NEK6: variants seen among roughly 807,000 people sequenced by gnomAD.
The protein encoded by NEK6 is serine/threonine-protein kinase Nek6.
In NEK6, 27 loss-of-function variants were observed where a neutral mutation model predicts 43.5. The observed-to-expected ratio is 0.62, with a 90% CI of 0.46 to 0.86. The LOEUF (loss-of-function observed/expected upper bound fraction) is 0.86, where lower values mean the gene tolerates loss of function less well. Ranked by LOEUF, NEK6 falls within the 40% of genes least tolerant of loss-of-function variation. NEK6 has a pLI of 0.00. For missense variants in NEK6, 318 were observed against 414.4 expected, an observed-to-expected ratio of 0.77 and a Z score of 2.02; for synonymous variants, 167 against 164.1, an observed-to-expected ratio of 1.02 and a Z score of -0.14.
chr9:124,290,027 C>T (rs138613471), intron 1 of NEK6, among the ~76,000 whole-genome samples: 6 of 152,318 alleles, frequency 3.9e-5, no homozygotes, highest in Non-Finnish European at 5.9e-5. Context: ...GTAAGGAGAG[C>T]GACACAGGAA....
At chr9:124,306,540 A>C (rs1833263630) in intron 2 of NEK6, among the ~76,000 whole-genome samples, 1 of 152,026 alleles carries the variant, frequency 6.6e-6, no homozygotes, top group African/African-American at 2.4e-5. Context: ...ACTCCTGCTG[A>C]CTCAGAGGAG....
intron 1 of NEK6, among the ~76,000 whole-genome samples, chr9:124,298,644 G>A (rs1832814133): frequency 6.6e-6 from 1 of 152,142 alleles, no homozygotes; most frequent in Non-Finnish European, 1.5e-5. Context: ...TGGTGTTGCT[G>A]TGTAAGAACC....
intron 1 of NEK6, among the ~76,000 whole-genome samples, chr9:124,293,617 G>T (rs954636891): frequency 2.0e-5 from 3 of 152,226 alleles, no homozygotes; most frequent in African/African-American, 4.8e-5. Flanking sequence ...AATCTCCAGT[G>T]ACTTTTGTCT....
chr9:124,316,289 G>A (rs1444056822), intron 4 of NEK6, among the ~76,000 whole-genome samples: 1 of 152,240 alleles, frequency 6.6e-6, no homozygotes, highest in East Asian at 1.9e-4. Context: ...CTGTTGGAAC[G>A]CAGGCGTGTG....
At chr9:124,346,859 C>T (rs982564102) in intron 8 of NEK6, among the ~76,000 whole-genome samples, 1 of 152,240 alleles carries the variant, frequency 6.6e-6, no homozygotes, top group Non-Finnish European at 1.5e-5. Flanking sequence ...GCCTTCAGGG[C>T]AGAACCGGTG....
intron 1 of NEK6, among the ~76,000 whole-genome samples, chr9:124,260,425 A>C (rs897319456): frequency 6.6e-6 from 1 of 151,956 alleles, no homozygotes; most frequent in Non-Finnish European, 1.5e-5. Context: ...ACAGAGTCTC[A>C]CTCTGTTGCC....
At chr9:124,331,514 G>A (rs1352601826) in intron 7 of NEK6, among the ~76,000 whole-genome samples, 1 of 152,124 alleles carries the variant, frequency 6.6e-6, no homozygotes, top group Admixed American at 6.5e-5. Context: ...GGAAGGGGTC[G>A]AGAGAGGATC....
intron 1 of NEK6, among the ~76,000 whole-genome samples, chr9:124,262,523 C>T (rs2118855366): frequency 6.6e-6 from 1 of 152,368 alleles, no homozygotes; most frequent in Middle Eastern, 3.4e-3. Flanking sequence ...CCACAGATGA[C>T]TTCTCGGGTG....
At chr9:124,260,540 G>C (rs1029735451) in intron 1 of NEK6, among the ~76,000 whole-genome samples, 10 of 152,142 alleles carry the variant, frequency 6.6e-5, no homozygotes, top group African/African-American at 2.4e-4. Context: ...GGGATTATAG[G>C]CAGGTGCCAC....
Position 124,343,209 on chromosome 9 carries a change from G to C in NEK6, c.717+3544G>C, listed in dbSNP as rs536477657. On this transcript the variant is annotated intron_variant, in intron 8 of 9. Coordinates refer to ENST00000320246, the MANE Select transcript of NEK6 (RefSeq NM_014397.6). This position sits in a 1 kb window ranked among gnomAD's most constrained non-coding sequence, Gnocchi z 5.1. ...GTGGGGCTGTGCGGCTCGCAGCTGG[G>C]GGGGCTGGACCACAGCCGGGGGGCG... Among the ~76,000 whole-genome samples the C allele has an allele frequency of 3.2e-4, 49 of 151,796 alleles. 1 individual carries two copies. The highest frequency in any genetic ancestry group is 1.7e-3 in the Admixed American group (26 of 15,266).
chr9:124,276,930 C>G (rs918380933), intron 1 of NEK6, among the ~76,000 whole-genome samples: 18 of 152,072 alleles, frequency 1.2e-4, no homozygotes, highest in African/African-American at 4.3e-4. Flanking sequence ...GTCAAGGGGT[C>G]TTAGGTGCTA....
At chr9:124,272,736 C>T (rs774261945) in intron 1 of NEK6, among the ~76,000 whole-genome samples, 27 of 152,194 alleles carry the variant, frequency 1.8e-4, no homozygotes, top group Non-Finnish European at 2.8e-4. Flanking sequence ...CACATGTGAT[C>T]GCATCGACCT....
chr9:124,264,501 A>G (rs921141041), intron 1 of NEK6, among the ~76,000 whole-genome samples: 5 of 152,210 alleles, frequency 3.3e-5, no homozygotes, highest in Non-Finnish European at 7.3e-5. Context: ...CCATGTGACA[A>G]AAAAGGTAGT....
intron 7 of NEK6, among the ~76,000 whole-genome samples, chr9:124,336,716 A>C (rs1423393980): frequency 6.6e-6 from 1 of 152,108 alleles, no homozygotes; most frequent in Non-Finnish European, 1.5e-5. Context: ...CAACCTTAAA[A>C]ATCCAGGCCA....
At chr9:124,339,348 G>A (rs1034793634) in intron 7 of NEK6, among the ~76,000 whole-genome samples, 14 of 151,876 alleles carry the variant, frequency 9.2e-5, no homozygotes, top group African/African-American at 3.1e-4. Flanking sequence ...TCAAGTCCCT[G>A]GCACCCCAGG....
rs542083288 is a variant in NEK6, at chr9:124,337,304, G to A, written c.623-2267G>A. On this transcript the variant is annotated intron_variant, in intron 7 of 9. Transcript: ENST00000320246. ...CCTCAGTGTTGGCGTTTCCTGCGGG[G>A]AGAAGAGGGACCCTGAGGACAGGCC... Among the ~76,000 whole-genome samples the A allele has an allele frequency of 1.1e-3, 170 of 152,340 alleles. 1 individual carries two copies. The highest frequency in any genetic ancestry group is 2.4e-3 in the Admixed American group (36 of 15,308).
At chr9:124,291,757 C>T (rs893547022) in intron 1 of NEK6, 12 of 937,330 alleles carry the variant, frequency 1.3e-5, no homozygotes, top group Non-Finnish European at 1.5e-5. Flanking sequence ...CCTGAGCCTA[C>T]ACTGGTCTAA....
intron 1 of NEK6, among the ~76,000 whole-genome samples, chr9:124,290,000 G>A (rs1319427146): frequency 6.6e-6 from 1 of 152,228 alleles, no homozygotes; most frequent in African/African-American, 2.4e-5. Context: ...CAACTCCAGG[G>A]TTCAGTGAGG....
intron 1 of NEK6, among the ~76,000 whole-genome samples, chr9:124,288,509 C>G (rs1268192683): frequency 6.6e-6 from 1 of 152,166 alleles, no homozygotes; most frequent in Non-Finnish European, 1.5e-5. Flanking sequence ...GTCTCGAACT[C>G]TTGACCTCAA....
Sources: gnomAD v4.1 joint callset for allele counts (sites outside exome capture counted in the v4.1 genomes callset) on GRCh38, gnomAD v4.1.1 for gene constraint, Gnocchi (gnomAD v3.1) non-coding constraint, MANE v1.5 for transcripts, NCBI Gene and HGNC (gene_info 2026-07-23, HGNC 2026-07-21) for gene names.